FRMD4A: variants seen among roughly 807,000 people sequenced by gnomAD.
FRMD4A encodes the protein FERM domain-containing protein 4A.
In FRMD4A, 29 loss-of-function variants were observed where a neutral mutation model predicts 129.1. The ratio of observed to expected loss-of-function variants is 0.22; its 90% CI spans 0.17 to 0.31. The LOEUF (loss-of-function observed/expected upper bound fraction) is 0.31, where lower values mean the gene tolerates loss of function less well. Among genes scored for constraint, FRMD4A ranks in the 10% least tolerant of loss-of-function variants. The pLI, the probability that FRMD4A is intolerant of heterozygous loss-of-function variation, is 1.00. For synonymous variants in FRMD4A, 634 were observed against 571.6 expected, an observed-to-expected ratio of 1.11 and a Z score of -1.56; for missense variants, 1,272 against 1,375.8, an observed-to-expected ratio of 0.92 and a Z score of 1.19.
intron 2 of FRMD4A, among the ~76,000 whole-genome samples, chr10:13,994,135 A>C (rs1746547257): frequency 1.4e-5 from 2 of 145,316 alleles, no homozygotes; most frequent in Admixed American, 1.4e-4. Flanking sequence ...CAGCCTCCCG[A>C]GTAGCTGGGA....
intron 2 of FRMD4A, among the ~76,000 whole-genome samples, chr10:13,910,429 G>A (rs905849897): frequency 5.3e-5 from 8 of 152,196 alleles, no homozygotes; most frequent in Admixed American, 2.0e-4. Context: ...GCATGAGGGA[G>A]AGGAGAACTG....
chr10:13,812,612 A>G (rs2093468281), intron 3 of FRMD4A, among the ~76,000 whole-genome samples: 4 of 152,220 alleles, frequency 2.6e-5, no homozygotes. Flanking sequence ...AGTAAGAGCT[A>G]GCGCTGAGTT....
intron 12 of FRMD4A, among the ~76,000 whole-genome samples, chr10:13,735,442 G>A (rs941814143): frequency 5.3e-5 from 8 of 152,222 alleles, no homozygotes; most frequent in Admixed American, 4.6e-4. Context: ...CATGCCTTTG[G>A]CCTCTTAATT....
chr10:14,192,401 A>C (rs768497854), intron 2 of FRMD4A, among the ~76,000 whole-genome samples: 9 of 152,350 alleles, frequency 5.9e-5, no homozygotes, highest in Non-Finnish European at 1.0e-4. Flanking sequence ...CTTAGAAGCA[A>C]AAATGGGAAA....
At chr10:14,246,082 C>T (rs1169021577) in intron 2 of FRMD4A, among the ~76,000 whole-genome samples, 1 of 152,164 alleles carries the variant, frequency 6.6e-6, no homozygotes, top group Admixed American at 6.5e-5. Context: ...GCGAGGGGCT[C>T]CTCAGATGCT....
intron 14 of FRMD4A, among the ~76,000 whole-genome samples, chr10:13,696,431 G>T (rs1352215166): frequency 6.6e-6 from 1 of 152,184 alleles, no homozygotes; most frequent in South Asian, 2.1e-4. Context: ...TGAAGGGTCT[G>T]GGCTCTGAAG....
At position 13,753,271 on chromosome 10, in the gene FRMD4A, G is replaced by A. The variant is rs138386600; in HGVS notation, c.465-5452C>T. ...GAAAAGAGAGCACCTGCCTATCTCC[G>A]CCCAATCACATGCTTTTTTCCCCAG... On this transcript the variant is annotated intron_variant, in intron 8 of 24. Coordinates refer to ENST00000357447, the MANE Select transcript of FRMD4A (RefSeq NM_018027.5). 6.6e-5 allele frequency among the ~76,000 whole-genome samples: 10 copies of A among 152,196 alleles called. No individual in the cohort carries two copies. The East Asian group carries it at 9.7e-4, about 15-fold the overall frequency.
At chr10:14,185,309 T>TA (rs1589139874) in intron 2 of FRMD4A, among the ~76,000 whole-genome samples, 3 of 152,204 alleles carry the variant, frequency 2.0e-5, no homozygotes, top group African/African-American at 7.2e-5. Context: ...GATGTAGAGA[T>TA]AGAGTCTTTC....
At chr10:13,742,199 G>A (rs2091045447) in intron 9 of FRMD4A, among the ~76,000 whole-genome samples, 2 of 152,188 alleles carry the variant, frequency 1.3e-5, no homozygotes, top group Non-Finnish European at 2.9e-5. Flanking sequence ...TGGCTCCTTG[G>A]CAGCAGTGGC....
At chr10:14,109,325 C>G (rs1420895952) in intron 2 of FRMD4A, among the ~76,000 whole-genome samples, 2 of 152,006 alleles carry the variant, frequency 1.3e-5, no homozygotes, top group East Asian at 3.9e-4. Context: ...ATAGTCAGTT[C>G]CTTAGTAGAC....
rs186191436 is a variant in FRMD4A, at chr10:13,733,113, C to T, written c.759+4731G>A. On this transcript the variant is annotated intron_variant, in intron 12 of 24. Coordinates refer to ENST00000357447, the MANE Select transcript of FRMD4A (RefSeq NM_018027.5). ...TTTTGGCTTAGGTGCGGACTTGCAT[C>T]GATATGCATTCACACGTGTGTGCAT... Among the ~76,000 whole-genome samples the T allele has an allele frequency of 7.9e-4, 120 of 152,328 alleles. 1 individual carries two copies. The highest frequency in any genetic ancestry group is 2.8e-3 in the African/African-American group (116 of 41,570).
At chr10:14,030,606 C>T (rs1445004407) in intron 2 of FRMD4A, among the ~76,000 whole-genome samples, 1 of 152,176 alleles carries the variant, frequency 6.6e-6, no homozygotes, top group Non-Finnish European at 1.5e-5. Context: ...AGACAACAAG[C>T]TGCCTGTCTG....
At chr10:13,719,873 G>A (rs180680421) in intron 12 of FRMD4A, among the ~76,000 whole-genome samples, 11 of 152,294 alleles carry the variant, frequency 7.2e-5, no homozygotes, top group Admixed American at 3.3e-4. Context: ...ATTACTCTGT[G>A]TTCTTTTGGT....
intron 2 of FRMD4A, among the ~76,000 whole-genome samples, chr10:14,144,341 G>A (rs1316789337): frequency 2.0e-5 from 3 of 152,160 alleles, no homozygotes; most frequent in Non-Finnish European, 1.5e-5. Context: ...GAGGAGAGAG[G>A]AGGGGACCGA....
At chr10:13,679,492 C>CACACACACACACACACAA (rs2084334538) in intron 15 of FRMD4A, among the ~76,000 whole-genome samples, 1 of 122,122 alleles carries the variant, frequency 8.2e-6, no homozygotes, top group African/African-American at 3.2e-5. Context: ...CACACACACA[C>CACACACACACACACACAA]ACACACACAC....
chr10:14,290,248 A>G (rs772636379), intron 2 of FRMD4A, among the ~76,000 whole-genome samples: 2 of 152,152 alleles, frequency 1.3e-5, no homozygotes, highest in Non-Finnish European at 2.9e-5. Context: ...ATGTGGAACT[A>G]CAAATGACCC....
intron 2 of FRMD4A, among the ~76,000 whole-genome samples, chr10:14,173,093 A>G (rs978645537): frequency 6.6e-6 from 1 of 152,238 alleles, no homozygotes; most frequent in Admixed American, 6.5e-5. Context: ...CATCAAAGAG[A>G]TGAGGTAAAT....
intron 2 of FRMD4A, among the ~76,000 whole-genome samples, chr10:14,205,475 A>C (rs893786203): frequency 6.6e-6 from 1 of 152,130 alleles, no homozygotes; most frequent in African/African-American, 2.4e-5. Context: ...GTGAAAGTGG[A>C]CTAAGAAACC....
At chr10:13,855,892 A>C (rs1485156982) in intron 3 of FRMD4A, among the ~76,000 whole-genome samples, 1 of 152,070 alleles carries the variant, frequency 6.6e-6, no homozygotes, top group Non-Finnish European at 1.5e-5. Flanking sequence ...GCTGCCTTTC[A>C]TTCAGTAGTT....
Sources: gnomAD v4.1 joint callset for allele counts (sites outside exome capture counted in the v4.1 genomes callset) on GRCh38, gnomAD v4.1.1 for gene constraint, MANE v1.5 for transcripts, NCBI Gene and HGNC (gene_info 2026-07-23, HGNC 2026-07-21) for gene names.